Variants in RNF144A observed in about 807,000 individuals in gnomAD.
RNF144A encodes the protein ring finger protein 144A, also known as E3 ubiquitin-protein ligase RNF144A.
RNF144A carries 11 observed loss-of-function variants against 38.7 expected under a neutral mutation model. That is an observed-to-expected ratio of 0.28 (90% CI 0.18 to 0.47). The LOEUF (loss-of-function observed/expected upper bound fraction) is 0.47, where lower values mean the gene tolerates loss of function less well. Among genes scored for constraint, RNF144A ranks in the 20% least tolerant of loss-of-function variants. The pLI is 0.99. For missense variants in RNF144A, 316 were observed against 377.2 expected, an observed-to-expected ratio of 0.84 and a Z score of 1.34; for synonymous variants, 149 against 143.9, an observed-to-expected ratio of 1.04 and a Z score of -0.25.
In RNF144A at chr2:6,917,720, G is replaced by C. The variant is rs1426040241; in HGVS notation, c.-212+98G>C. The C allele has an allele frequency of 6.7e-6, 1 of 148,474 alleles. No homozygotes were observed. Among genetic ancestry groups the C allele is most frequent in the African/African-American group, 2.4e-5 (1 of 41,006 alleles). 9.2% of individuals were successfully genotyped at this position (148,474 alleles called of 1,614,324 possible). ...CGCTGCGCGGCCGGCCTTGGGGCTCGGGGCTTGCGGCCGCGCCTGCCCCGC... is the reference window on the plus strand; with the variant it reads ...CGCTGCGCGGCCGGCCTTGGGGCTCCGGGCTTGCGGCCGCGCCTGCCCCGC... On this transcript the variant is annotated intron_variant, in intron 1 of 8. Coordinates refer to ENST00000320892, the MANE Select transcript of RNF144A (RefSeq NM_014746.6). This position sits in a 1 kb window ranked among gnomAD's most constrained non-coding sequence, Gnocchi z 4.8.
At chr2:7,057,522 C>T (rs909560360) in intron 6 of RNF144A, among the ~76,000 whole-genome samples, 1 of 152,172 alleles carries the variant, frequency 6.6e-6, no homozygotes, top group Non-Finnish European at 1.5e-5. Flanking sequence ...GAAATGCACT[C>T]CCTTCTCTGA....
chr2:6,942,230 A>G (rs879476339), intron 2 of RNF144A, among the ~76,000 whole-genome samples: 6 of 151,862 alleles, frequency 4.0e-5, no homozygotes, highest in African/African-American at 1.5e-4. Context: ...CAGAGGGTAG[A>G]GGACAAGGCT....
rs756691777 is a variant in RNF144A, at chr2:7,024,456, G to A, written c.597G>A (p.Ala199=). Residue 199 remains alanine, a synonymous_variant, in exon 7 of 9, where the codon GCG becomes GCA. Transcript: ENST00000320892. ...KVYIERDEGC[A]QMMCKNCKHA... ...ACATCGAGCGAGACGAAGGCTGCGC[G>A]CAGATGATGTGCAAGAACTGCAAGC... is the stretch of plus-strand genomic sequence containing the variant. 34 of 1,612,788 alleles carry A rather than the reference G, an allele frequency of 2.1e-5. No individual in the cohort carries two copies. Among genetic ancestry groups the A allele is most frequent in the South Asian group, 3.3e-5 (3 of 91,066 alleles).
intron 6 of RNF144A, among the ~76,000 whole-genome samples, chr2:7,049,317 A>G (rs995537659): frequency 7.2e-5 from 11 of 152,244 alleles, no homozygotes; most frequent in African/African-American, 2.4e-4. Flanking sequence ...GAATGAGCAA[A>G]TGATGCTTCC....
At chr2:6,922,314 T>C (rs1664589022) in intron 1 of RNF144A, among the ~76,000 whole-genome samples, 1 of 152,170 alleles carries the variant, frequency 6.6e-6, no homozygotes. Context: ...CTTCTGCCTA[T>C]GGGAGCCTGT....
rs542629426 is a variant in RNF144A, at chr2:6,964,363, T to C, written c.-12+23216T>C. 1.0e-3 allele frequency among the ~76,000 whole-genome samples: 153 copies of C among 152,314 alleles called. 1 individual carries two copies. The highest frequency in any genetic ancestry group is 7.8e-3 in the Admixed American group (120 of 15,300). On this transcript the variant is annotated intron_variant, in intron 2 of 8. Coordinates refer to ENST00000320892, the MANE Select transcript of RNF144A (RefSeq NM_014746.6). Reference sequence around the variant, plus strand: ...GTGGAGAAATAGGAACACTTTTACATTGTTGGTGGGACTGTAAATTAGTTC... The same window carrying C: ...GTGGAGAAATAGGAACACTTTTACACTGTTGGTGGGACTGTAAATTAGTTC...
Position 7,030,180 on chromosome 2 carries a change from C to T in RNF144A, c.712C>T (p.His238Tyr). ...GGGACCCTGCCGGAACAAGCTGGGCCACTCCCGGGCATCTGTGATCTGGCA... is the reference window on the plus strand; with the variant it reads ...GGGACCCTGCCGGAACAAGCTGGGCTACTCCCGGGCATCTGTGATCTGGCA... ...DKGPCRNKLG[H>Y]SRASVIWHRT... Residue 238 changes from histidine to tyrosine, a missense_variant, in exon 8 of 9, where the codon CAC (histidine) becomes TAC (tyrosine). His to Tyr is a moderately conservative substitution (Grantham distance 83). Coordinates refer to ENST00000320892, the MANE Select transcript of RNF144A (RefSeq NM_014746.6). 1 of 1,613,914 alleles carries T rather than the reference C, an allele frequency of 6.2e-7. No homozygotes were observed. Among genetic ancestry groups the T allele is most frequent in the Non-Finnish European group, 8.5e-7 (1 of 1,179,876 alleles).
chr2:6,995,874 C>A (rs776173337), intron 2 of RNF144A, among the ~76,000 whole-genome samples: 1 of 152,176 alleles, frequency 6.6e-6, no homozygotes, highest in Non-Finnish European at 1.5e-5. Context: ...GTGTTAACCA[C>A]CACAGGGAGG....
chr2:7,035,975 T>C (rs1359180662), intron 8 of RNF144A, among the ~76,000 whole-genome samples: 2 of 152,176 alleles, frequency 1.3e-5, no homozygotes, highest in Admixed American at 6.5e-5. Flanking sequence ...TAAATGAGCA[T>C]GAAAACCAGC....
At chr2:7,066,054 C>T (rs1341978287) in intron 6 of RNF144A, among the ~76,000 whole-genome samples, 1 of 151,690 alleles carries the variant, frequency 6.6e-6, no homozygotes, top group Non-Finnish European at 1.5e-5. Flanking sequence ...GTTTTGTTTT[C>T]CAAATTTAAG....
intron 2 of RNF144A, among the ~76,000 whole-genome samples, chr2:6,978,364 A>G (rs955455388): frequency 6.6e-6 from 1 of 152,192 alleles, no homozygotes; most frequent in East Asian, 1.9e-4. Flanking sequence ...TTATCATTTC[A>G]ACAAGATCCT....
chr2:6,949,078 C>G (rs1028908039), intron 2 of RNF144A, among the ~76,000 whole-genome samples: 1 of 152,172 alleles, frequency 6.6e-6, no homozygotes, highest in Non-Finnish European at 1.5e-5. Flanking sequence ...CTTCTGGGTC[C>G]TCTTTGCCCA....
chr2:7,071,167 C>T (rs1399223905), downstream of RNF144A, among the ~76,000 whole-genome samples: 3 of 152,144 alleles, frequency 2.0e-5, no homozygotes, highest in Non-Finnish European at 4.4e-5. Flanking sequence ...AACTCCTGAC[C>T]TCATGTGCTC....
chr2:7,031,038 C>T lies in RNF144A; in HGVS notation c.747+823C>T, dbSNP rs1437598905. Among the ~76,000 whole-genome samples, 4 of 152,190 alleles carry T rather than the reference C, an allele frequency of 2.6e-5. 1 individual carries two copies. The South Asian group carries it at 6.2e-4, about 24-fold the overall frequency. ...ACAGGAGGTGGGGCTCAGGCGGTAA[C>T]GTGAGCAATGGGGAGCAGCTGTAAA... On this transcript the variant is annotated intron_variant, in intron 8 of 8. Coordinates refer to ENST00000320892, the MANE Select transcript of RNF144A (RefSeq NM_014746.6).
intron 2 of RNF144A, among the ~76,000 whole-genome samples, chr2:6,947,696 A>C (rs1263194816): frequency 6.6e-6 from 1 of 152,254 alleles, no homozygotes; most frequent in Non-Finnish European, 1.5e-5. Flanking sequence ...AGTTTTTAAA[A>C]ATTATTTTAA....
downstream of RNF144A, among the ~76,000 whole-genome samples, chr2:7,069,752 G>C (rs1674389359): frequency 6.6e-6 from 1 of 152,200 alleles, no homozygotes; most frequent in Non-Finnish European, 1.5e-5. Context: ...TCAGGCTCAG[G>C]CCTATATTAG....
At chr2:7,048,884 G>C (rs1246608620), downstream of RNF144A, among the ~76,000 whole-genome samples, 1 of 152,238 alleles carries the variant, frequency 6.6e-6, no homozygotes, top group Non-Finnish European at 1.5e-5. Flanking sequence ...AAACACAGCT[G>C]TCTTGGGTGC....
intron 1 of RNF144A, among the ~76,000 whole-genome samples, chr2:6,934,242 A>G (rs542131723): frequency 7.9e-5 from 12 of 152,234 alleles, no homozygotes; most frequent in African/African-American, 2.9e-4. Context: ...TTTTTACTTC[A>G]TGTCTTTAAT....
At chr2:7,046,529 G>A (rs1673313513), downstream of RNF144A, among the ~76,000 whole-genome samples, 1 of 152,214 alleles carries the variant, frequency 6.6e-6, no homozygotes, top group African/African-American at 2.4e-5. Flanking sequence ...GAAATGACAA[G>A]TAAAACATAG....
Sources: gnomAD v4.1 joint callset for allele counts (sites outside exome capture counted in the v4.1 genomes callset) on GRCh38, gnomAD v4.1.1 for gene constraint, Gnocchi (gnomAD v3.1) non-coding constraint, MANE v1.5 for transcripts, NCBI Gene and HGNC (gene_info 2026-07-23, HGNC 2026-07-21) for gene names.